RRBP1: variants seen among roughly 807,000 people sequenced by gnomAD.
RRBP1 encodes ribosome-binding protein 1.
RRBP1 carries 94 observed loss-of-function variants against 165.2 expected under a neutral mutation model. The observed-to-expected ratio is 0.57, with a 90% confidence interval of 0.48 to 0.68. The LOEUF is 0.68. Among genes scored for constraint, RRBP1 ranks in the 30% least tolerant of loss-of-function variants. The pLI is 0.00. For synonymous variants in RRBP1, 680 were observed against 714.5 expected, an observed-to-expected ratio of 0.95 and a Z score of 0.77; for missense variants, 1,676 against 1,763.0, an observed-to-expected ratio of 0.95 and a Z score of 0.88.
chr20:17,631,081 T>C (rs1046180213), intron 8 of RRBP1, among the ~76,000 whole-genome samples: 1 of 152,254 alleles, frequency 6.6e-6, no homozygotes, highest in Non-Finnish European at 1.5e-5. Context: ...CAGTGCTTTC[T>C]GCATTAGAAC....
Position 17,616,841 on chromosome 20 carries a change from TG to T in RRBP1, c.3760-3del. 1 of 1,610,322 alleles carries T rather than the reference TG, an allele frequency of 6.2e-7. No individual in the cohort carries two copies. Among genetic ancestry groups the T allele is most frequent in the South Asian group, 1.1e-5 (1 of 90,892 alleles). On this transcript the variant is annotated splice_region_variant and splice_polypyrimidine_tract_variant and intron_variant, in intron 20 of 24. Coordinates refer to ENST00000377813, the MANE Select transcript of RRBP1 (RefSeq NM_001365613.2). ...CATTTCACTCAACTGCTGCCTGACC[TG>T]GAACAGGAAGGGGTGTGTTTGCAAA...
chr20:17,667,972 TGATGA>T (rs2036902060), intron 2 of RRBP1, among the ~76,000 whole-genome samples: 1 of 152,266 alleles, frequency 6.6e-6, no homozygotes, highest in African/African-American at 2.4e-5. Flanking sequence ...GGCATTTTCT[TGATGA>T]GATGTTTAGA....
intron 13 of RRBP1, among the ~76,000 whole-genome samples, chr20:17,623,701 G>A (rs1304436396): frequency 6.6e-6 from 1 of 152,220 alleles, no homozygotes; most frequent in East Asian, 1.9e-4. Flanking sequence ...GGAGGCCAAG[G>A]CAGGCAGATC....
At position 17,629,346 on chromosome 20, in the gene RRBP1, C is replaced by T. The variant is rs578122495; in HGVS notation, c.2749+477G>A. Among the ~76,000 whole-genome samples, 39 of 152,342 alleles carry T rather than the reference C, an allele frequency of 2.6e-4. No individual in the cohort carries two copies. In the South Asian group the frequency reaches 8.1e-3, roughly 32 times the overall value. On this transcript the variant is annotated intron_variant, in intron 9 of 24. Transcript: ENST00000377813. ...TCACCCTTTCCATGATCGACTGCAG[C>T]AAGGGAACCACAGGCTTGTAAATCC...
intron 7 of RRBP1, among the ~76,000 whole-genome samples, chr20:17,635,195 G>A (rs1456403256): frequency 6.6e-6 from 1 of 152,222 alleles, no homozygotes; most frequent in Non-Finnish European, 1.5e-5. Flanking sequence ...GCTGTGGGCT[G>A]CGGTGCTTCA....
rs1183640687 is a variant in RRBP1 at position 17,625,609 on chromosome 20, G to A, written c.2964-7C>T. 5.0e-6 allele frequency: 8 copies of A among 1,612,920 alleles called. No individual in the cohort carries two copies. The highest frequency in any genetic ancestry group is 5.9e-6 in the Non-Finnish European group (7 of 1,179,210). Reference sequence around the variant, plus strand: ...GGACTCCAGCTCCTTGAGGCTGAAGGGACACAACGAGGTCACCGCCTAGGC... The same window carrying A: ...GGACTCCAGCTCCTTGAGGCTGAAGAGACACAACGAGGTCACCGCCTAGGC... On this transcript the variant is annotated splice_polypyrimidine_tract_variant and splice_region_variant and intron_variant, in intron 11 of 24. Transcript: ENST00000377813.
Position 17,616,842 on chromosome 20 carries a change from G to C in RRBP1, c.3760-3C>G. ...ATTTCACTCAACTGCTGCCTGACCT[G>C]GAACAGGAAGGGGTGTGTTTGCAAA... On this transcript the variant is annotated splice_polypyrimidine_tract_variant and splice_region_variant and intron_variant, in intron 20 of 24. Transcript: ENST00000377813. The C allele has an allele frequency of 6.2e-7, 1 of 1,606,704 alleles. No homozygotes were observed. The highest frequency in any genetic ancestry group is 8.5e-7 in the Non-Finnish European group (1 of 1,173,946).
intron 3 of RRBP1, among the ~76,000 whole-genome samples, chr20:17,649,106 GAAGAA>G (rs1421405393): frequency 1.3e-5 from 2 of 152,160 alleles, no homozygotes; most frequent in African/African-American, 4.8e-5. Context: ...AAAAAAAGAA[GAAGAA>G]AAGAAAAAGT....
chr20:17,615,866 C>T, intron 22 of RRBP1, 60 bp downstream of exon 22: 1 of 1,449,870 alleles, frequency 6.9e-7, no homozygotes, highest in South Asian at 1.2e-5. Context: ...CCCACTCATT[C>T]CCTGGAGACT....
At chr20:17,669,773 G>A (rs56030447) in intron 2 of RRBP1, among the ~76,000 whole-genome samples, 1,983 of 152,176 alleles carry the variant, frequency 0.013, 51 homozygotes, top group African/African-American at 0.045. Context: ...ATACGGAAAC[G>A]TAACTGATTC....
Position 17,621,452 on chromosome 20 carries a change from G to C in RRBP1, c.3414+6C>G, listed in dbSNP as rs570162201. The C allele has an allele frequency of 1.9e-4, 299 of 1,608,812 alleles. 5 individuals are homozygous for C. In the South Asian group the frequency reaches 3.2e-3, roughly 17 times the overall value. On this transcript the variant is annotated splice_donor_region_variant and intron_variant, in intron 16 of 24. Coordinates refer to ENST00000377813, the MANE Select transcript of RRBP1 (RefSeq NM_001365613.2). Reference sequence around the variant, plus strand: ...GATGCCCAGCTGACAGGTTCCCAATGCTCACCGTCTCCGCCAGGATGCTGC... The same window carrying C: ...GATGCCCAGCTGACAGGTTCCCAATCCTCACCGTCTCCGCCAGGATGCTGC...
chr20:17,670,753 T>A (rs1391145351), intron 2 of RRBP1, among the ~76,000 whole-genome samples: 1 of 152,242 alleles, frequency 6.6e-6, no homozygotes, highest in Non-Finnish European at 1.5e-5. Context: ...GTTTTTGTCT[T>A]AAAACAATCT....
intron 7 of RRBP1, among the ~76,000 whole-genome samples, chr20:17,634,768 G>A (rs2036217792): frequency 6.6e-6 from 1 of 152,216 alleles, no homozygotes; most frequent in African/African-American, 2.4e-5. Context: ...CCTCCAACCA[G>A]CCGATGGCTC....
rs556348872 is a variant in RRBP1 at position 17,616,012 on chromosome 20, G to A, written c.3868-3C>T. ...GTCCACTCCAGCTGCGTCTTCAGCT[G>A]TGCAAACACCGCAAACATAACCCGG... On this transcript the variant is annotated splice_region_variant and splice_polypyrimidine_tract_variant and intron_variant, in intron 21 of 24. Transcript: ENST00000377813. The A allele has an allele frequency of 1.1e-5, 18 of 1,604,286 alleles. No individual in the cohort carries two copies. Among genetic ancestry groups the A allele is most frequent in the African/African-American group, 1.3e-5 (1 of 75,048 alleles).
At chr20:17,648,882 A>T (rs2036509712) in intron 3 of RRBP1, among the ~76,000 whole-genome samples, 1 of 152,220 alleles carries the variant, frequency 6.6e-6, no homozygotes, top group African/African-American at 2.4e-5. Context: ...TACAGTTTAA[A>T]CAGCAATTAG....
At chr20:17,631,351 G>A (rs889030634) in intron 8 of RRBP1, among the ~76,000 whole-genome samples, 2 of 152,250 alleles carry the variant, frequency 1.3e-5, no homozygotes, top group Non-Finnish European at 2.9e-5. Context: ...AGCTCAGACT[G>A]CAGGGAGACT....
intron 8 of RRBP1, among the ~76,000 whole-genome samples, chr20:17,632,151 C>T (rs1247345278): frequency 7.9e-5 from 12 of 152,190 alleles, no homozygotes; most frequent in Non-Finnish European, 2.9e-5. Flanking sequence ...CAGCTGGCGC[C>T]AAAGGCCTCA....
At chr20:17,641,006 T>C (rs2036346002) in intron 5 of RRBP1, among the ~76,000 whole-genome samples, 1 of 152,080 alleles carries the variant, frequency 6.6e-6, no homozygotes, top group South Asian at 2.1e-4. Context: ...AAGCCTGCGG[T>C]GCTGCATGGG....
chr20:17,632,554 C>T (rs567236885), intron 8 of RRBP1, among the ~76,000 whole-genome samples: 3 of 152,358 alleles, frequency 2.0e-5, no homozygotes, highest in East Asian at 3.9e-4. Flanking sequence ...CACGCTCAAA[C>T]ATCACTCTTA....
Sources: gnomAD v4.1 joint callset for allele counts (sites outside exome capture counted in the v4.1 genomes callset) on GRCh38, gnomAD v4.1.1 for gene constraint, MANE v1.5 for transcripts, NCBI Gene and HGNC (gene_info 2026-07-23, HGNC 2026-07-21) for gene names.